The following NRG1 variants were observed in gnomAD, a reference collection of about 807,000 sequenced individuals.
NRG1 encodes the protein neuregulin 1.
In NRG1, 18 loss-of-function variants were observed where a neutral mutation model predicts 63.8. The ratio of observed to expected loss-of-function variants is 0.28; its 90% CI spans 0.19 to 0.42. NRG1 has a LOEUF of 0.42. NRG1 is among the 10% of genes least tolerant of loss of function. The pLI, the probability that NRG1 is intolerant of heterozygous loss-of-function variation, is 1.00. For synonymous variants in NRG1, 302 were observed against 301.3 expected (o/e 1.00, Z -0.02); for missense variants, 762 against 814.7 (o/e 0.94, Z 0.79).
At chr8:32,729,636 G>A (rs1382432790) in intron 6 of NRG1, among the ~76,000 whole-genome samples, 1 of 152,156 alleles carries the variant, frequency 6.6e-6, no homozygotes, top group Admixed American at 6.5e-5. Flanking sequence ...ACCAGAAATA[G>A]TCAACAAAGC....
chr8:32,547,424 C>G (rs1345162768), upstream of NRG1, among the ~76,000 whole-genome samples: 1 of 152,090 alleles, frequency 6.6e-6, no homozygotes, highest in East Asian at 1.9e-4. Context: ...TGACTTTCAG[C>G]GGCTGCAGTA....
exon 12 of NRG1, chr8:32,764,534 T>G: frequency 1.2e-6 from 1 of 808,310 alleles, no homozygotes; most frequent in Admixed American, 3.6e-5. Flanking sequence ...TTTTATAAAT[T>G]AAATATATGT....
At chr8:32,525,929 T>C (rs1049497966) in intron 1 of NRG1, among the ~76,000 whole-genome samples, 6 of 152,342 alleles carry the variant, frequency 3.9e-5, no homozygotes, top group African/African-American at 1.4e-4. Flanking sequence ...TTCTACTCTA[T>C]CTCTTCTAGC....
At chr8:32,452,874 C>G (rs1821139776) in intron 1 of NRG1, among the ~76,000 whole-genome samples, 1 of 152,228 alleles carries the variant, frequency 6.6e-6, no homozygotes, top group South Asian at 2.1e-4. Flanking sequence ...TCTAATTTCC[C>G]TTTAATAAGA....
chr8:32,055,382 G>A (rs962645384), intron 1 of NRG1, among the ~76,000 whole-genome samples: 1 of 152,024 alleles, frequency 6.6e-6, no homozygotes, highest in Non-Finnish European at 1.5e-5. Flanking sequence ...TTTTCATTCA[G>A]AATTAAGTCA....
At chr8:32,236,165 T>G (rs1847536915) in intron 1 of NRG1, among the ~76,000 whole-genome samples, 1 of 151,200 alleles carries the variant, frequency 6.6e-6, no homozygotes, top group Non-Finnish European at 1.5e-5. Context: ...GTGTGTGTGT[T>G]TGTTTTTTGT....
intron 1 of NRG1, among the ~76,000 whole-genome samples, chr8:32,310,656 A>G (rs1856714917): frequency 6.6e-6 from 1 of 152,194 alleles, no homozygotes; most frequent in Non-Finnish European, 1.5e-5. Context: ...AGAAGGAACA[A>G]AGAAAAGAGA....
chr8:32,063,671 T>A (rs1824254954), intron 1 of NRG1, among the ~76,000 whole-genome samples: 1 of 152,120 alleles, frequency 6.6e-6, no homozygotes, highest in Non-Finnish European at 1.5e-5. Context: ...TGAAGACTTG[T>A]TAGGTCATGT....
At chr8:32,399,635 C>A (rs568043371) in intron 1 of NRG1, among the ~76,000 whole-genome samples, 1 of 152,206 alleles carries the variant, frequency 6.6e-6, no homozygotes, top group East Asian at 1.9e-4. Flanking sequence ...AACCCCAGGG[C>A]AAAGGTATTA....
chr8:32,281,881 G>A (rs1852900031), intron 1 of NRG1, among the ~76,000 whole-genome samples: 3 of 152,120 alleles, frequency 2.0e-5, no homozygotes. Flanking sequence ...ATACAAAATT[G>A]GTTGAAGAGG....
chr8:31,898,046 G>A (rs1401345685), intron 1 of NRG1, among the ~76,000 whole-genome samples: 1 of 149,676 alleles, frequency 6.7e-6, no homozygotes, highest in Non-Finnish European at 1.5e-5. Context: ...GAGAGAGAAG[G>A]AAAGAAAATC....
intron 1 of NRG1, among the ~76,000 whole-genome samples, chr8:32,092,282 C>A (rs1356440457): frequency 6.6e-6 from 1 of 151,484 alleles, no homozygotes; most frequent in African/African-American, 2.4e-5. Flanking sequence ...ATGGCAAAAC[C>A]TTGTCTCTAC....
At chr8:32,512,837 A>G (rs1829373105) in intron 1 of NRG1, among the ~76,000 whole-genome samples, 1 of 152,222 alleles carries the variant, frequency 6.6e-6, no homozygotes, top group Non-Finnish European at 1.5e-5. Context: ...TTTGTTTATA[A>G]TAAGGATACA....
At chr8:32,233,127 G>A (rs1847132045) in intron 1 of NRG1, among the ~76,000 whole-genome samples, 1 of 151,868 alleles carries the variant, frequency 6.6e-6, no homozygotes, top group African/African-American at 2.4e-5. Flanking sequence ...TTGGAGACAG[G>A]GTCTCACTCT....
intron 1 of NRG1, among the ~76,000 whole-genome samples, chr8:32,551,176 ACCCACACTCTAGGTTTCAGGCATT>A (rs1008346276): frequency 1.8e-4 from 28 of 152,214 alleles, no homozygotes; most frequent in Middle Eastern, 3.4e-3. Flanking sequence ...TGTGAGAAAA[ACCCACACTCTAGGTTTCAGGCATT>A]CCCAAAGGAA....
intron 1 of NRG1, among the ~76,000 whole-genome samples, chr8:32,518,577 T>C (rs994393703): frequency 3.3e-5 from 5 of 152,156 alleles, no homozygotes; most frequent in East Asian, 1.9e-4. Context: ...GGACTAGAGA[T>C]GTCCTCCTGA....
In NRG1 at chr8:32,518,047, TA is replaced by T. The variant is rs200222818; in HGVS notation, c.38-77773del. 1.5e-4 allele frequency among the ~76,000 whole-genome samples: 23 copies of T among 151,830 alleles called. No individual in the cohort carries two copies. In the East Asian group the frequency reaches 3.5e-3, roughly 23 times the overall value. ...TGGATGTCAAGATCTAAGGAAAAGA[TA>T]AAAAAAATAGAACCACCACCAAATA... On this transcript the variant is annotated intron_variant, in intron 1 of 10. Transcript: ENST00000519301.
chr8:32,208,344 C>T (rs1426007840), intron 1 of NRG1, among the ~76,000 whole-genome samples: 1 of 149,840 alleles, frequency 6.7e-6, no homozygotes, highest in Non-Finnish European at 1.5e-5. Context: ...AGTGAAATGG[C>T]GTGATCTCGG....
At chr8:31,780,536 G>T (rs1819582258) in intron 1 of NRG1, among the ~76,000 whole-genome samples, 1 of 152,158 alleles carries the variant, frequency 6.6e-6, no homozygotes, top group Admixed American at 6.5e-5. Flanking sequence ...ATTTCTGAGA[G>T]TTGTAAAAAT....
Sources: gnomAD v4.1 joint callset for allele counts (sites outside exome capture counted in the v4.1 genomes callset) on GRCh38, gnomAD v4.1.1 for gene constraint, MANE v1.5 for transcripts, NCBI Gene and HGNC (gene_info 2026-07-23, HGNC 2026-07-21) for gene names.